GHR: variants seen among roughly 807,000 people sequenced by gnomAD.
GHR encodes growth hormone receptor, also known as GH receptor.
GHR carries 35 observed loss-of-function variants against 67.1 expected under a neutral mutation model. The ratio of observed to expected loss-of-function variants is 0.52; its 90% CI spans 0.40 to 0.69. The LOEUF is 0.69. Ranked by LOEUF, GHR falls within the 30% of genes least tolerant of loss-of-function variation. The pLI is 0.00. For missense variants in GHR, 792 were observed against 764.6 expected (o/e 1.04, Z -0.42); for synonymous variants, 272 against 269.1 (o/e 1.01, Z -0.10).
chr5:42,512,448 CA>C lies in GHR; in HGVS notation c.-11-53413del, dbSNP rs201129914. 3.8e-3 allele frequency among the ~76,000 whole-genome samples: 579 copies of C among 152,188 alleles called. 14 individuals are homozygous for C. Among genetic ancestry groups the C allele is most frequent in the Admixed American group, 0.035 (540 of 15,282 alleles). ...GGAATCGATCCAACTATACAGCTAT[CA>C]AAGGTTTTTGGTGATACAACCAGAT... On this transcript the variant is annotated intron_variant, in intron 1 of 9. Coordinates refer to ENST00000230882, the MANE Select transcript of GHR (RefSeq NM_000163.5).
At chr5:42,556,233 C>T (rs1045925074) in intron 1 of GHR, among the ~76,000 whole-genome samples, 20 of 152,116 alleles carry the variant, frequency 1.3e-4, no homozygotes, top group African/African-American at 3.9e-4. Context: ...GGAATACATG[C>T]ACTTCTTTAA....
intron 1 of GHR, among the ~76,000 whole-genome samples, chr5:42,441,289 G>A (rs1483825733): frequency 6.6e-6 from 1 of 152,146 alleles, no homozygotes; most frequent in Non-Finnish European, 1.5e-5. Context: ...AAAGTAAGAA[G>A]GTCCTGTAAA....
At chr5:42,472,714 AT>A (rs1265781854) in intron 1 of GHR, among the ~76,000 whole-genome samples, 1 of 152,208 alleles carries the variant, frequency 6.6e-6, no homozygotes, top group South Asian at 2.1e-4. Context: ...ATTAAAATCA[AT>A]TTCCAAAGAA....
chr5:42,641,290 T>C (rs1754464366), intron 3 of GHR, among the ~76,000 whole-genome samples: 1 of 152,136 alleles, frequency 6.6e-6, no homozygotes, highest in Non-Finnish European at 1.5e-5. Flanking sequence ...TTATAACACT[T>C]ACTGCCTGGA....
intron 2 of GHR, among the ~76,000 whole-genome samples, chr5:42,625,331 T>C (rs1474424876): frequency 7.0e-6 from 1 of 142,966 alleles, no homozygotes; most frequent in East Asian, 2.0e-4. Context: ...ATTAATAATC[T>C]GAGAGTATGT....
chr5:42,469,646 C>G (rs954958877), intron 1 of GHR, among the ~76,000 whole-genome samples: 1 of 152,154 alleles, frequency 6.6e-6, no homozygotes, highest in South Asian at 2.1e-4. Context: ...CTCCCAGACC[C>G]GGGGTAGTGC....
At chr5:42,473,831 T>C (rs922849185) in intron 1 of GHR, among the ~76,000 whole-genome samples, 2 of 150,108 alleles carry the variant, frequency 1.3e-5, no homozygotes, top group Non-Finnish European at 3.0e-5. Flanking sequence ...GAGCTGAGAT[T>C]GTGCCACTGC....
intron 2 of GHR, among the ~76,000 whole-genome samples, chr5:42,612,994 G>A (rs1193362294): frequency 6.6e-6 from 1 of 151,946 alleles, no homozygotes; most frequent in African/African-American, 2.4e-5. Context: ...TAAAATGCTG[G>A]GAATCATTCC....
intron 1 of GHR, among the ~76,000 whole-genome samples, chr5:42,560,457 G>T (rs1047074408): frequency 1.3e-5 from 2 of 152,172 alleles, no homozygotes; most frequent in Non-Finnish European, 2.9e-5. Context: ...CTCCCAAAAT[G>T]CTGGGATTAC....
intron 1 of GHR, chr5:42,548,606 T>C (rs1748853687): frequency 6.2e-6 from 3 of 486,552 alleles, no homozygotes; most frequent in Non-Finnish European, 8.0e-6. Flanking sequence ...TACTTTTGCA[T>C]TTTTTAGATA....
intron 1 of GHR, among the ~76,000 whole-genome samples, chr5:42,487,013 G>GT (rs1018969501): frequency 2.0e-5 from 3 of 152,188 alleles, no homozygotes; most frequent in Non-Finnish European, 2.9e-5. Context: ...ACCTGAGTTT[G>GT]TTTCCTGGTG....
In GHR at chr5:42,719,492, G is replaced by A. The variant is rs1758916300; in HGVS notation, c.*68G>A. On this transcript the variant is annotated 3_prime_UTR_variant, in exon 10 of 10. Coordinates refer to ENST00000230882, the MANE Select transcript of GHR (RefSeq NM_000163.5). ...AATTGACTGGGGCAATAACGTTTAA[G>A]CCAAAACAATGTTTAAACCTTTTTT... 6.7e-7 allele frequency: 1 copy of A among 1,487,206 alleles called. No individual in the cohort carries two copies. Among genetic ancestry groups the A allele is most frequent in the African/African-American group, 1.4e-5 (1 of 72,638 alleles). 92.1% of individuals were successfully genotyped at this position (1,487,206 alleles called of 1,614,324 possible).
intron 1 of GHR, among the ~76,000 whole-genome samples, chr5:42,480,268 C>G (rs954499664): frequency 6.6e-6 from 1 of 152,136 alleles, no homozygotes; most frequent in African/African-American, 2.4e-5. Context: ...GTTATAATTT[C>G]TGTTCTCTTA....
rs369924654 is a variant in GHR at position 42,624,936 on chromosome 5, C to A, written c.71-4102C>A. ...TTGTTACAATGCAATTTTGCTTTCCCGCCACTTTAAAATCAAGGTGTAGTA... is the reference window on the plus strand; with the variant it reads ...TTGTTACAATGCAATTTTGCTTTCCAGCCACTTTAAAATCAAGGTGTAGTA... On this transcript the variant is annotated intron_variant, in intron 2 of 9. Transcript: ENST00000230882. 2.6e-5 allele frequency among the ~76,000 whole-genome samples: 4 copies of A among 152,198 alleles called. No homozygotes were observed. The East Asian group carries it at 5.8e-4, about 22-fold the overall frequency.
At chr5:42,428,832 G>A (rs1032447091) in intron 1 of GHR, among the ~76,000 whole-genome samples, 12 of 152,166 alleles carry the variant, frequency 7.9e-5, no homozygotes, top group African/African-American at 2.9e-4. Flanking sequence ...TTTGGTCAAA[G>A]CCATTCAACA....
At chr5:42,566,638 G>T (rs1316748070) in intron 2 of GHR, among the ~76,000 whole-genome samples, 3 of 150,510 alleles carry the variant, frequency 2.0e-5, no homozygotes, top group African/African-American at 7.4e-5. Flanking sequence ...TTTTCTGTCA[G>T]AAAGAAAACT....
At chr5:42,598,505 A>G (rs6451626) in intron 2 of GHR, among the ~76,000 whole-genome samples, 150,622 of 152,292 alleles carry the variant, frequency 0.99, 74,559 homozygotes, top group Middle Eastern at 1. Flanking sequence ...GTCTTTTAGG[A>G]CTTGTCCTCA....
At chr5:42,547,235 G>A (rs1748777675) in intron 1 of GHR, among the ~76,000 whole-genome samples, 1 of 152,172 alleles carries the variant, frequency 6.6e-6, no homozygotes, top group African/African-American at 2.4e-5. Context: ...AAGCAAGCCA[G>A]GCAGAAGGAG....
chr5:42,553,601 T>G (rs938312913), intron 1 of GHR, among the ~76,000 whole-genome samples: 1 of 152,224 alleles, frequency 6.6e-6, no homozygotes, highest in South Asian at 2.1e-4. Flanking sequence ...GTGCAGATAA[T>G]CCAAGATAAT....
Sources: allele counts gnomAD v4.1 joint callset (sites outside exome capture counted in the v4.1 genomes callset), GRCh38; gene constraint gnomAD v4.1.1; transcripts MANE v1.5; gene names NCBI Gene and HGNC (gene_info 2026-07-23, HGNC 2026-07-21).